Variants in AHCYL2 observed in about 807,000 individuals in gnomAD.
AHCYL2 encodes S-adenosylhomocysteine hydrolase-like protein 2.
A neutral mutation model predicts 81.4 loss-of-function variants in AHCYL2; 28 were observed. The ratio of observed to expected loss-of-function variants is 0.34; its 90% CI spans 0.25 to 0.47. AHCYL2 has a LOEUF of 0.47. Among genes scored for constraint, AHCYL2 ranks in the 20% least tolerant of loss-of-function variants. The pLI is 1.00. For synonymous variants in AHCYL2, 272 were observed against 290.2 expected, an observed-to-expected ratio of 0.94 and a Z score of 0.64; for missense variants, 551 against 785.1, an observed-to-expected ratio of 0.70 and a Z score of 3.56.
chr7:129,321,844 C>T (rs1463179716), intron 1 of AHCYL2, among the ~76,000 whole-genome samples: 6 of 143,030 alleles, frequency 4.2e-5, no homozygotes, highest in African/African-American at 1.3e-4. Context: ...GGCACGATCT[C>T]GGCTCACCTT....
chr7:129,234,745 C>T (rs1446090129), intron 1 of AHCYL2, among the ~76,000 whole-genome samples: 2 of 151,954 alleles, frequency 1.3e-5, no homozygotes, highest in African/African-American at 2.4e-5. Context: ...GTCCTTCTGC[C>T]TCACCCTCCC....
In AHCYL2 at chr7:129,413,635, A is replaced by G; in HGVS notation, c.1408A>G (p.Lys470Glu). 1.2e-6 allele frequency: 2 copies of G among 1,614,190 alleles called. No homozygotes were observed. Among genetic ancestry groups the G allele is most frequent in the Non-Finnish European group, 1.7e-6 (2 of 1,180,032 alleles). The change falls in exon 12 of 17, where the codon AAG (lysine) becomes GAG (glutamate). Residue 470 changes from lysine (K) to glutamate (E), a missense_variant. Coordinates refer to ENST00000325006, the MANE Select transcript of AHCYL2 (RefSeq NM_015328.4). Reference sequence around the variant, plus strand: ...AACCAGAGAGCACTTGGACCGTATGAAGAATAGCTGCATCGTTTGTAACAT... The same window carrying G: ...AACCAGAGAGCACTTGGACCGTATGGAGAATAGCTGCATCGTTTGTAACAT... ...VVTREHLDRM[K>E]NSCIVCNMGH...
chr7:129,337,777 C>T (rs560304533), intron 1 of AHCYL2, among the ~76,000 whole-genome samples: 1 of 152,234 alleles, frequency 6.6e-6, no homozygotes, highest in African/African-American at 2.4e-5. Context: ...GAGTTTTGCT[C>T]TTGTTGCCCA....
chr7:129,304,314 T>G (rs1474423329), intron 1 of AHCYL2, among the ~76,000 whole-genome samples: 1 of 152,230 alleles, frequency 6.6e-6, no homozygotes, highest in Non-Finnish European at 1.5e-5. Context: ...TAATCTGTCC[T>G]TGAGAATGAT....
intron 1 of AHCYL2, among the ~76,000 whole-genome samples, chr7:129,271,128 C>T (rs1236784200): frequency 4.6e-5 from 7 of 151,614 alleles, no homozygotes; most frequent in African/African-American, 1.5e-4. Context: ...TTTGGGAGGC[C>T]GAGGCGGGCG....
intron 1 of AHCYL2, among the ~76,000 whole-genome samples, chr7:129,322,708 C>T (rs947458662): frequency 6.6e-6 from 1 of 152,188 alleles, no homozygotes; most frequent in Admixed American, 6.5e-5. Context: ...CCTCCCACTT[C>T]ACCCTCCCGA....
chr7:129,234,384 AC>A (rs903443965), intron 1 of AHCYL2, among the ~76,000 whole-genome samples: 1 of 152,136 alleles, frequency 6.6e-6, no homozygotes, highest in Non-Finnish European at 1.5e-5. Context: ...AGCTGGGATT[AC>A]AGGCATCCGC....
chr7:129,332,438 G>A (rs1013358767), intron 1 of AHCYL2, among the ~76,000 whole-genome samples: 4 of 152,240 alleles, frequency 2.6e-5, no homozygotes, highest in Non-Finnish European at 4.4e-5. Context: ...AGTTGAAACA[G>A]TGATGTTATT....
chr7:129,379,965 T>C (rs914721752), intron 2 of AHCYL2, among the ~76,000 whole-genome samples: 3 of 152,054 alleles, frequency 2.0e-5, no homozygotes, highest in Non-Finnish European at 4.4e-5. Flanking sequence ...TCCAATAGAG[T>C]CAGAAGAGGG....
chr7:129,258,026 C>T lies in AHCYL2; in HGVS notation c.363+32587C>T, dbSNP rs188017962. Among the ~76,000 whole-genome samples, 132 of 152,248 alleles carry T rather than the reference C, an allele frequency of 8.7e-4. 1 individual carries two copies. Among genetic ancestry groups the T allele is most frequent in the African/African-American group, 3.1e-3 (130 of 41,552 alleles). ...ATAAGCAAATAAGAGTAAAAATACA[C>T]AAATGTAAAACTTCATTTCTGTATG... is the stretch of plus-strand genomic sequence containing the variant. On this transcript the variant is annotated intron_variant, in intron 1 of 16. Transcript: ENST00000325006.
chr7:129,276,439 A>AC (rs1390913036), intron 1 of AHCYL2, among the ~76,000 whole-genome samples: 1 of 151,828 alleles, frequency 6.6e-6, no homozygotes, highest in Non-Finnish European at 1.5e-5. Flanking sequence ...GAATAAAAAA[A>AC]AAAACCAGAA....
intron 1 of AHCYL2, among the ~76,000 whole-genome samples, chr7:129,346,576 T>A (rs908558634): frequency 6.6e-6 from 1 of 152,090 alleles, no homozygotes; most frequent in Non-Finnish European, 1.5e-5. Flanking sequence ...TTAAAATCAT[T>A]TGAAATACCA....
chr7:129,291,069 C>T (rs117125121), intron 1 of AHCYL2, among the ~76,000 whole-genome samples: 2,536 of 151,922 alleles, frequency 0.017, 27 homozygotes, highest in Non-Finnish European at 0.026. Flanking sequence ...ATTCAGAGTC[C>T]TTGTCTTTAC....
chr7:129,313,489 A>G (rs1448609191), intron 1 of AHCYL2, among the ~76,000 whole-genome samples: 2 of 152,224 alleles, frequency 1.3e-5, no homozygotes, highest in Admixed American at 6.5e-5. Flanking sequence ...AACTTAGCTC[A>G]GGTGTAGAAA....
chr7:129,260,049 C>G (rs899521724), intron 1 of AHCYL2, among the ~76,000 whole-genome samples: 2 of 149,358 alleles, frequency 1.3e-5, no homozygotes, highest in Non-Finnish European at 3.0e-5. Context: ...GCCCTCCAGC[C>G]TGGGCAACGT....
At chr7:129,229,893 T>G (rs1306227957) in intron 1 of AHCYL2, among the ~76,000 whole-genome samples, 2 of 152,150 alleles carry the variant, frequency 1.3e-5, no homozygotes, top group East Asian at 3.9e-4. Context: ...TATAAATAAA[T>G]TTGGAGTACC....
At position 129,225,083 on chromosome 7, in the gene AHCYL2, G is replaced by A; in HGVS notation, c.7G>A (p.Val3Met). The A allele has an allele frequency of 6.3e-7, 1 of 1,593,294 alleles. No homozygotes were observed. The highest frequency in any genetic ancestry group is 8.5e-7 in the Non-Finnish European group (1 of 1,171,322). ...GGTTGCAGCGGAGGCGGTGATGTCGGTGCAGGTTGTGTCAGCCGCGGCTGC... is the reference window on the plus strand; with the variant it reads ...GGTTGCAGCGGAGGCGGTGATGTCGATGCAGGTTGTGTCAGCCGCGGCTGC... MS[V>M]QVVSAAAAAK... The change falls in exon 1 of 17, where the codon GTG becomes ATG. Residue 3 changes from valine to methionine, a missense_variant. This residue lies in a region of AHCYL2 where 235 missense variants were observed against 242.1 expected (regional missense o/e 0.97). Transcript: ENST00000325006.
At chr7:129,225,676 C>T (rs1433089831) in intron 1 of AHCYL2, among the ~76,000 whole-genome samples, 1 of 152,162 alleles carries the variant, frequency 6.6e-6, no homozygotes, top group East Asian at 1.9e-4. Context: ...AGGTAGCGCT[C>T]TCCCCTACTA....
At chr7:129,265,561 A>C (rs911156181) in intron 1 of AHCYL2, among the ~76,000 whole-genome samples, 1 of 152,186 alleles carries the variant, frequency 6.6e-6, no homozygotes, top group African/African-American at 2.4e-5. Flanking sequence ...GACATTTTTC[A>C]GGAATTAGCA....
Sources: allele counts gnomAD v4.1 joint callset (sites outside exome capture counted in the v4.1 genomes callset), GRCh38; gene constraint gnomAD v4.1.1; regional missense constraint gnomAD v4.1.1; transcripts MANE v1.5; gene names NCBI Gene and HGNC (gene_info 2026-07-23, HGNC 2026-07-21).